IMMP2L: variants seen among roughly 807,000 people sequenced by gnomAD.
IMMP2L encodes inner mitochondrial membrane peptidase subunit 2, also known as mitochondrial inner membrane protease subunit 2.
IMMP2L carries 18 observed loss-of-function variants against 19.3 expected under a neutral mutation model. That is an observed-to-expected ratio of 0.93 (90% CI 0.64 to 1.38). The LOEUF (loss-of-function observed/expected upper bound fraction) is 1.38. Ranked by LOEUF, IMMP2L falls within the 40% of genes most tolerant of loss-of-function variation. IMMP2L has a pLI of 0.00. For synonymous variants in IMMP2L, 76 were observed against 73.0 expected (o/e 1.04, Z -0.21); for missense variants, 233 against 218.2 (o/e 1.07, Z -0.43).
At chr7:111,287,867 G>T (rs1025364300) in intron 3 of IMMP2L, among the ~76,000 whole-genome samples, 2 of 152,176 alleles carry the variant, frequency 1.3e-5, no homozygotes, top group African/African-American at 4.8e-5. Flanking sequence ...TGGACCAACA[G>T]AAAGAAATAT....
intron 3 of IMMP2L, among the ~76,000 whole-genome samples, chr7:111,320,608 C>T (rs545782201): frequency 6.6e-6 from 1 of 152,032 alleles, no homozygotes; most frequent in Non-Finnish European, 1.5e-5. Context: ...TCACACTGAA[C>T]TCTTACCACT....
Position 110,663,058 on chromosome 7 carries a change from T to C in IMMP2L, c.*544A>G, listed in dbSNP as rs1303934629. On this transcript the variant is annotated 3_prime_UTR_variant, in exon 6 of 6. Transcript: ENST00000405709. Reference sequence around the variant, plus strand: ...ATACTCAAAACAGGACCTTAGCAAATCATTGTTTTATTTTAACATCACTGT... The same window carrying C: ...ATACTCAAAACAGGACCTTAGCAAACCATTGTTTTATTTTAACATCACTGT... The C allele has an allele frequency of 6.5e-6, 1 of 153,504 alleles. No homozygotes were observed. The highest frequency in any genetic ancestry group is 6.4e-5 in the Admixed American group (1 of 15,516). The allele number at this position is 153,504 out of a possible 1,614,324, so 9.5% of individuals were successfully genotyped here. A position where few individuals can be genotyped will look rare whatever the true frequency, so the allele number is the denominator to read the frequency against.
At chr7:111,098,886 C>T (rs2129579500) in intron 3 of IMMP2L, among the ~76,000 whole-genome samples, 1 of 151,816 alleles carries the variant, frequency 6.6e-6, no homozygotes, top group East Asian at 1.9e-4. Flanking sequence ...TATCGCCTTC[C>T]AAGAGTCAGA....
chr7:110,808,764 T>C (rs911626755), intron 5 of IMMP2L, among the ~76,000 whole-genome samples: 3 of 152,066 alleles, frequency 2.0e-5, no homozygotes, highest in South Asian at 2.1e-4. Context: ...GTTTACCAGA[T>C]AGTTTAAAGG....
At chr7:110,853,809 A>G (rs1370847783) in intron 5 of IMMP2L, among the ~76,000 whole-genome samples, 1 of 152,020 alleles carries the variant, frequency 6.6e-6, no homozygotes, top group Non-Finnish European at 1.5e-5. Flanking sequence ...AAAATCAAAG[A>G]GAGTTTCAAG....
intron 5 of IMMP2L, among the ~76,000 whole-genome samples, chr7:110,797,862 C>A (rs1249038168): frequency 1.3e-5 from 2 of 151,928 alleles, no homozygotes; most frequent in East Asian, 1.9e-4. Flanking sequence ...GTCATGTCAG[C>A]ATCAAGAAGT....
chr7:111,514,010 T>C (rs1563296086), intron 2 of IMMP2L, among the ~76,000 whole-genome samples: 1 of 151,968 alleles, frequency 6.6e-6, no homozygotes, highest in East Asian at 1.9e-4. Flanking sequence ...GAGAGTAGAA[T>C]AGTGGTTGCA....
intron 4 of IMMP2L, among the ~76,000 whole-genome samples, chr7:110,888,377 G>C (rs1810445719): frequency 6.6e-6 from 1 of 152,100 alleles, no homozygotes; most frequent in African/African-American, 2.4e-5. Context: ...TTGTTGGCAA[G>C]GCATACTCTC....
chr7:110,705,159 A>C (rs138276314), intron 5 of IMMP2L, among the ~76,000 whole-genome samples: 1 of 152,304 alleles, frequency 6.6e-6, no homozygotes, highest in African/African-American at 2.4e-5. Context: ...GAGAGTTTAA[A>C]ATGATCTATA....
chr7:111,145,683 A>ATGCTGAG lies in IMMP2L; in HGVS notation c.240-182125_240-182119dup, dbSNP rs1287815046. ...TCAACTGAGCATCGCGTCAGGGTGA[A>ATGCTGAG]TGCTGAGTCTGGTGGTTGCAAAGAC... On this transcript the variant is annotated intron_variant, in intron 3 of 5. Transcript: ENST00000405709. 2.6e-5 allele frequency among the ~76,000 whole-genome samples: 4 copies of ATGCTGAG among 152,216 alleles called. No homozygotes were observed. The East Asian group carries it at 7.7e-4, about 29-fold the overall frequency.
chr7:110,747,652 T>C (rs1797440969), intron 5 of IMMP2L, among the ~76,000 whole-genome samples: 1 of 152,158 alleles, frequency 6.6e-6, no homozygotes, highest in Non-Finnish European at 1.5e-5. Context: ...AAAAACCACA[T>C]GATTATATCA....
rs1485094989 is a variant in IMMP2L, at chr7:110,877,417, T to C, written c.408+9176A>G. Among the ~76,000 whole-genome samples, 2 of 152,068 alleles carry C rather than the reference T, an allele frequency of 1.3e-5. No individual in the cohort carries two copies. The highest frequency in any genetic ancestry group is 2.9e-5 in the Non-Finnish European group (2 of 68,012). On this transcript the variant is annotated intron_variant, in intron 5 of 5. Coordinates refer to ENST00000405709, the MANE Select transcript of IMMP2L (RefSeq NM_032549.4). The surrounding 1 kb of genome is among the most constrained non-coding windows in gnomAD (Gnocchi z 4.0). The stretch of plus-strand genomic sequence containing the variant: ...TGGCTTAGTCAGAAGCAAAACTTCA[T>C]GTTAGAGTAGGTCTGGGAGTAGTCA...
chr7:111,440,423 T>C (rs1837601822), intron 3 of IMMP2L, among the ~76,000 whole-genome samples: 1 of 151,954 alleles, frequency 6.6e-6, no homozygotes, highest in Non-Finnish European at 1.5e-5. Context: ...GATCGCCTTG[T>C]ACATCTCCAT....
At chr7:111,548,408 T>C (rs1220080736) in intron 1 of IMMP2L, among the ~76,000 whole-genome samples, 1 of 152,158 alleles carries the variant, frequency 6.6e-6, no homozygotes, top group East Asian at 1.9e-4. Flanking sequence ...ATGTCTACTT[T>C]AGGGGTTAGT....
intron 3 of IMMP2L, among the ~76,000 whole-genome samples, chr7:111,065,200 T>C (rs1292856659): frequency 6.6e-6 from 1 of 152,244 alleles, no homozygotes; most frequent in Non-Finnish European, 1.5e-5. Context: ...AATATCTTCA[T>C]TTTATTTCCT....
chr7:111,071,451 G>A (rs1365174056), intron 3 of IMMP2L, among the ~76,000 whole-genome samples: 1 of 151,918 alleles, frequency 6.6e-6, no homozygotes, highest in Non-Finnish European at 1.5e-5. Flanking sequence ...GTTCATAGCC[G>A]CACTATTTAT....
chr7:111,242,838 A>T (rs567489370), intron 3 of IMMP2L, among the ~76,000 whole-genome samples: 1 of 152,180 alleles, frequency 6.6e-6, no homozygotes, highest in Non-Finnish European at 1.5e-5. Flanking sequence ...ATATTCCTCA[A>T]CTAATTAAGA....
At chr7:110,927,582 T>C (rs141107373) in intron 4 of IMMP2L, among the ~76,000 whole-genome samples, 1 of 152,176 alleles carries the variant, frequency 6.6e-6, no homozygotes, top group African/African-American at 2.4e-5. Context: ...ACTGGTTTTA[T>C]ATATGGAGGA....
At chr7:111,403,600 G>A (rs1833662583) in intron 3 of IMMP2L, among the ~76,000 whole-genome samples, 1 of 151,782 alleles carries the variant, frequency 6.6e-6, no homozygotes, top group South Asian at 2.1e-4. Flanking sequence ...GTTTAAAGGG[G>A]GTCAATAAAA....
Sources: gnomAD v4.1 joint callset for allele counts (sites outside exome capture counted in the v4.1 genomes callset) on GRCh38, gnomAD v4.1.1 for gene constraint, Gnocchi (gnomAD v3.1) non-coding constraint, MANE v1.5 for transcripts, NCBI Gene and HGNC (gene_info 2026-07-23, HGNC 2026-07-21) for gene names.